The following FAAH variants were observed in gnomAD, a reference collection of about 807,000 sequenced individuals.
FAAH encodes the protein fatty-acid amide hydrolase 1.
In FAAH, 63 loss-of-function variants were observed where a neutral mutation model predicts 69.7. That is an observed-to-expected ratio of 0.90 (90% CI 0.74 to 1.12). FAAH has a LOEUF of 1.12. FAAH is among the 50% of genes most tolerant of loss of function. The pLI, the probability that FAAH is intolerant of heterozygous loss-of-function variation, is 0.00. For missense variants in FAAH, 680 were observed against 755.0 expected, an observed-to-expected ratio of 0.90 and a Z score of 1.16; for synonymous variants, 305 against 324.2, an observed-to-expected ratio of 0.94 and a Z score of 0.64.
chr1:46,405,968 T>G lies in FAAH; in HGVS notation c.786-70T>G. The stretch of plus-strand genomic sequence containing the variant: ...TTCCAAAGCGGTGAGTGTTCAGAGC[T>G]GCTCTGTGGGTGTGGGGATGGCGGC... On this transcript the variant is annotated intron_variant, in intron 5 of 14. Coordinates refer to ENST00000243167, the MANE Select transcript of FAAH (RefSeq NM_001441.3). This position sits in a 1 kb window ranked among gnomAD's most constrained non-coding sequence, Gnocchi z 4.1. 6.2e-7 allele frequency: 1 copy of G among 1,613,544 alleles called. No individual in the cohort carries two copies. Among genetic ancestry groups the G allele is most frequent in the Non-Finnish European group, 8.5e-7 (1 of 1,179,888 alleles).
chr1:46,396,435 A>G (rs1417995385), intron 1 of FAAH, among the ~76,000 whole-genome samples: 3 of 152,182 alleles, frequency 2.0e-5, no homozygotes, highest in African/African-American at 4.8e-5. Flanking sequence ...CTTTACGGGT[A>G]TCGGGCTGAG....
In FAAH at chr1:46,405,466, T is replaced by G. The variant is rs1315200021; in HGVS notation, c.539T>G (p.Val180Gly). The change falls in exon 4 of 15, where the codon GTG (valine) becomes GGG (glycine). Residue 180 changes from valine (V) to glycine (G), a missense_variant. Coordinates refer to ENST00000243167, the MANE Select transcript of FAAH (RefSeq NM_001441.3). The surrounding 1 kb of genome is among the most constrained non-coding windows in gnomAD (Gnocchi z 4.1). ...VVHVLKLQGAVPFVHTNVPQS... is the reference protein window; with the variant it reads ...VVHVLKLQGAGPFVHTNVPQS... ...CATGTGCTGAAGCTGCAGGGTGCCG[T>G]GCCCTTCGTGCACACCAATGTTCCA... The G allele has an allele frequency of 6.8e-7, 1 of 1,460,838 alleles. No homozygotes were observed. Among genetic ancestry groups the G allele is most frequent in the Admixed American group, 1.9e-5 (1 of 53,966 alleles). The allele number at this position is 1,460,838 out of a possible 1,614,324, so 90.5% of individuals were successfully genotyped here.
intron 1 of FAAH, among the ~76,000 whole-genome samples, chr1:46,401,324 G>A (rs1400077120): frequency 6.6e-6 from 1 of 152,062 alleles, no homozygotes; most frequent in Non-Finnish European, 1.5e-5. Context: ...CTGAAATGTG[G>A]TTTCTTCAGA....
chr1:46,407,813 G>A (rs1311543195), intron 7 of FAAH, among the ~76,000 whole-genome samples: 6 of 152,196 alleles, frequency 3.9e-5, no homozygotes, highest in African/African-American at 7.2e-5. Flanking sequence ...CGTAAGCCCC[G>A]TTTCTCAGCA....
chr1:46,413,639 C>T lies in FAAH; in HGVS notation c.*64C>T. 1.9e-6 allele frequency: 3 copies of T among 1,604,962 alleles called. No homozygotes were observed. The African/African-American group carries it at 4.0e-5, about 21-fold the overall frequency. ...GCAGCCCAGCCTAGTCAGGGCACAGCTGCCCTGCTGCCACAGCAAGGAAAT... is the reference window on the plus strand; with the variant it reads ...GCAGCCCAGCCTAGTCAGGGCACAGTTGCCCTGCTGCCACAGCAAGGAAAT... On this transcript the variant is annotated 3_prime_UTR_variant, in exon 15 of 15. Coordinates refer to ENST00000243167, the MANE Select transcript of FAAH (RefSeq NM_001441.3).
In FAAH at chr1:46,410,393, C is replaced by T. The variant is rs755461134; in HGVS notation, c.1176-5C>T. 3 of 1,613,440 alleles carry T rather than the reference C, an allele frequency of 1.9e-6. No individual in the cohort carries two copies. The highest frequency in any genetic ancestry group is 2.7e-5 in the African/African-American group (2 of 74,892). ...AGTGCCTGGACCGAGCATTTTGTTT[C>T]CCAGCAAAGGTGATTTCGTGGACCC... On this transcript the variant is annotated splice_region_variant and splice_polypyrimidine_tract_variant and intron_variant, in intron 9 of 14. Coordinates refer to ENST00000243167, the MANE Select transcript of FAAH (RefSeq NM_001441.3). This position sits in a 1 kb window ranked among gnomAD's most constrained non-coding sequence, Gnocchi z 4.9.
intron 13 of FAAH, 77 bp from the exon 14 acceptor site, chr1:46,412,998 T>C (rs956325305): frequency 1.3e-6 from 2 of 1,563,910 alleles, no homozygotes; most frequent in Non-Finnish European, 1.8e-6. Context: ...TGCCATTTCA[T>C]ATGAGGTTTG....
intron 7 of FAAH, 138 bp from the exon 8 acceptor site, chr1:46,408,321 C>G (rs1317410705): frequency 9.2e-7 from 1 of 1,090,592 alleles, no homozygotes; most frequent in African/African-American, 1.5e-5. Context: ...ATGAAAGGGT[C>G]AGATGCAGAA....
chr1:46,407,757 CA>C (rs1359392082), intron 7 of FAAH, among the ~76,000 whole-genome samples: 1 of 152,174 alleles, frequency 6.6e-6, no homozygotes, highest in Non-Finnish European at 1.5e-5. Context: ...TTGGTGCAGA[CA>C]GAGGAAGAGT....
Position 46,405,823 on chromosome 1 carries a change from C to G in FAAH, c.785+29C>G. On this transcript the variant is annotated intron_variant, in intron 5 of 14. Coordinates refer to ENST00000243167, the MANE Select transcript of FAAH (RefSeq NM_001441.3). This position sits in a 1 kb window ranked among gnomAD's most constrained non-coding sequence, Gnocchi z 4.1. ...AGGTGGGTGGAGGGCGCTTCTGGGCCCCTCGCTGTGTGACCTTGGCCTAGC... is the reference window on the plus strand; with the variant it reads ...AGGTGGGTGGAGGGCGCTTCTGGGCGCCTCGCTGTGTGACCTTGGCCTAGC... The G allele has an allele frequency of 6.2e-7, 1 of 1,611,940 alleles. No individual in the cohort carries two copies. The highest frequency in any genetic ancestry group is 8.5e-7 in the Non-Finnish European group (1 of 1,179,380).
At chr1:46,401,233 C>G (rs908019309) in intron 1 of FAAH, among the ~76,000 whole-genome samples, 16 of 151,362 alleles carry the variant, frequency 1.1e-4, no homozygotes, top group Non-Finnish European at 2.2e-4. Context: ...AAGCCTTCTC[C>G]CAGAATCAGA....
chr1:46,405,980 G>A lies in FAAH; in HGVS notation c.786-58G>A. The stretch of plus-strand genomic sequence containing the variant: ...GAGTGTTCAGAGCTGCTCTGTGGGT[G>A]TGGGGATGGCGGCGGGTGGCCATTT... On this transcript the variant is annotated intron_variant, in intron 5 of 14. Transcript: ENST00000243167. This position sits in a 1 kb window ranked among gnomAD's most constrained non-coding sequence, Gnocchi z 4.1. 6.2e-7 allele frequency: 1 copy of A among 1,613,790 alleles called. No individual in the cohort carries two copies. The highest frequency in any genetic ancestry group is 8.5e-7 in the Non-Finnish European group (1 of 1,179,934).
At chr1:46,412,037 G>A in intron 12 of FAAH, 106 bp from the exon 13 acceptor site, 1 of 950,306 alleles carries the variant, frequency 1.1e-6, no homozygotes, top group Admixed American at 2.0e-5. Context: ...TCAGATCCAG[G>A]GGCAGGTGCT....
At position 46,406,232 on chromosome 1, in the gene FAAH, T is replaced by TC; in HGVS notation, c.827-11dup. On this transcript the variant is annotated splice_polypyrimidine_tract_variant and intron_variant, in intron 6 of 14. Transcript: ENST00000243167. ...CTTGTCTGCTTACCTCCCTCACCTCTCTGCCCCACAGTGCGTCTCTCCGTG... is the reference window on the plus strand; with the variant it reads ...CTTGTCTGCTTACCTCCCTCACCTCTCCTGCCCCACAGTGCGTCTCTCCGTG... 6.2e-7 allele frequency: 1 copy of TC among 1,614,048 alleles called. No individual in the cohort carries two copies. The highest frequency in any genetic ancestry group is 2.2e-5 in the East Asian group (1 of 44,888).
rs762084951 is a variant in FAAH, at chr1:46,413,506, A to T, written c.1671A>T (p.Gln557His). Reference sequence around the variant, plus strand: ...TGCAGTGTGTGGCTCTGCCCTGGCAAGAAGAGTTGTGTCTGCGGTTCATGC... The same window carrying T: ...TGCAGTGTGTGGCTCTGCCCTGGCATGAAGAGTTGTGTCTGCGGTTCATGC... ...VAVQCVALPWQEELCLRFMRE... is the reference protein window; with the variant it reads ...VAVQCVALPWHEELCLRFMRE... The change falls in exon 15 of 15, where the codon CAA (glutamine) becomes CAT (histidine). Residue 557 changes from glutamine (Q) to histidine (H), a missense_variant. Coordinates refer to ENST00000243167, the MANE Select transcript of FAAH (RefSeq NM_001441.3). 6.2e-7 allele frequency: 1 copy of T among 1,614,054 alleles called. No homozygotes were observed. Among genetic ancestry groups the T allele is most frequent in the South Asian group, 1.1e-5 (1 of 91,086 alleles).
At chr1:46,403,471 G>A (rs892825777) in intron 2 of FAAH, among the ~76,000 whole-genome samples, 3 of 152,078 alleles carry the variant, frequency 2.0e-5, no homozygotes, top group African/African-American at 7.2e-5. Flanking sequence ...ACCATCTCCC[G>A]CCATGCCCAA....
At chr1:46,406,156 G>T in intron 6 of FAAH, 78 bp downstream of exon 6, 1 of 1,613,884 alleles carries the variant, frequency 6.2e-7, no homozygotes. Flanking sequence ...CTTCTCAGGT[G>T]GCAGGGCAGT....
Position 46,410,320 on chromosome 1 carries a change from G to A in FAAH, c.1176-78G>A. The A allele has an allele frequency of 2.7e-6, 3 of 1,091,308 alleles. No individual in the cohort carries two copies. The South Asian group carries it at 3.8e-5, about 14-fold the overall frequency. The allele number at this position is 1,091,308 out of a possible 1,614,324, so 67.6% of individuals were successfully genotyped here. A position where few individuals can be genotyped will look rare whatever the true frequency, so the allele number is the denominator to read the frequency against. On this transcript the variant is annotated intron_variant, in intron 9 of 14. Transcript: ENST00000243167. The surrounding 1 kb of genome is among the most constrained non-coding windows in gnomAD (Gnocchi z 4.9). Reference sequence around the variant, plus strand: ...GGACAGGATCCCTGCATAGAGAATGGGATTGCTGTGGGCCGGGCGAGCAAG... The same window carrying A: ...GGACAGGATCCCTGCATAGAGAATGAGATTGCTGTGGGCCGGGCGAGCAAG...
At position 46,413,610 on chromosome 1, in the gene FAAH, C is replaced by A; in HGVS notation, c.*35C>A. 1 of 1,613,764 alleles carries A rather than the reference C, an allele frequency of 6.2e-7. No individual in the cohort carries two copies. Among genetic ancestry groups the A allele is most frequent in the Non-Finnish European group, 8.5e-7 (1 of 1,179,834 alleles). On this transcript the variant is annotated 3_prime_UTR_variant, in exon 15 of 15. Transcript: ENST00000243167. ...CTCCAGAGGACCTGAGACTCACACT[C>A]TCTGCAGCCCAGCCTAGTCAGGGCA... is the stretch of plus-strand genomic sequence containing the variant.
Sources: gnomAD v4.1 joint callset for allele counts (sites outside exome capture counted in the v4.1 genomes callset) on GRCh38, gnomAD v4.1.1 for gene constraint, Gnocchi (gnomAD v3.1) non-coding constraint, MANE v1.5 for transcripts, NCBI Gene and HGNC (gene_info 2026-07-23, HGNC 2026-07-21) for gene names.